Variants in EIF2B3 observed in about 807,000 individuals in gnomAD.
EIF2B3 encodes the protein translation initiation factor eIF2B subunit gamma.
EIF2B3 carries 20 observed loss-of-function variants against 54.1 expected under a neutral mutation model. The ratio of observed to expected loss-of-function variants is 0.37; its 90% CI spans 0.26 to 0.54. The LOEUF (loss-of-function observed/expected upper bound fraction) is 0.54, where lower values mean the gene tolerates loss of function less well. Among genes scored for constraint, EIF2B3 ranks in the 20% least tolerant of loss-of-function variants. EIF2B3 has a pLI of 0.86. For synonymous variants in EIF2B3, 153 were observed against 188.1 expected, an observed-to-expected ratio of 0.81 and a Z score of 1.52; for missense variants, 448 against 547.8, an observed-to-expected ratio of 0.82 and a Z score of 1.82.
chr1:44,938,049 C>T (rs570459417), intron 4 of EIF2B3, among the ~76,000 whole-genome samples: 79 of 152,048 alleles, frequency 5.2e-4, no homozygotes, highest in Non-Finnish European at 6.6e-4. Context: ...GCTCCAGAAA[C>T]ATCCAGAGAT....
intron 3 of EIF2B3, among the ~76,000 whole-genome samples, chr1:44,956,135 CTAGA>C (rs1166913570): frequency 6.6e-6 from 1 of 152,094 alleles, no homozygotes; most frequent in Non-Finnish European, 1.5e-5. Flanking sequence ...TGATGATAGG[CTAGA>C]TAAAGAAAAT....
At chr1:44,969,568 T>C (rs1644380102) in intron 3 of EIF2B3, among the ~76,000 whole-genome samples, 1 of 152,158 alleles carries the variant, frequency 6.6e-6, no homozygotes, top group African/African-American at 2.4e-5. Context: ...ATTTTTATAA[T>C]ATATTCTAAA....
chr1:44,918,072 C>A (rs1051834476), intron 5 of EIF2B3, among the ~76,000 whole-genome samples: 12 of 88,612 alleles, frequency 1.4e-4, no homozygotes, highest in Admixed American at 2.8e-4. Context: ...TGTGCCCAGC[C>A]TTTTTTTTTT....
At position 44,897,421 on chromosome 1, in the gene EIF2B3, G is replaced by T. The variant is rs749213552; in HGVS notation, c.590C>A (p.Thr197Lys). The T allele has an allele frequency of 4.3e-6, 7 of 1,612,656 alleles. No individual in the cohort carries two copies. The highest frequency in any genetic ancestry group is 1.7e-4 in the Middle Eastern group (1 of 6,056). The part of the protein sequence containing the change: ...LQKHPRIRFH[T>K]GLVDAHLYCL... ...GTAGAGGTGGGCATCCACAAGACCCGTGTGGAAACGTATTCTAGGATGCCT... is the reference window on the plus strand; with the variant it reads ...GTAGAGGTGGGCATCCACAAGACCCTTGTGGAAACGTATTCTAGGATGCCT... Residue 197 changes from threonine to lysine, a missense_variant, in exon 6 of 12, where the codon ACG becomes AAG. Thr to Lys is a moderately conservative substitution (Grantham distance 78). This residue lies in a region of EIF2B3 where 350 missense variants were observed against 414.2 expected (regional missense o/e 0.85). Coordinates refer to ENST00000360403, the MANE Select transcript of EIF2B3 (RefSeq NM_020365.5).
intron 3 of EIF2B3, among the ~76,000 whole-genome samples, chr1:44,962,695 G>A (rs1354038366): frequency 1.3e-5 from 2 of 152,174 alleles, no homozygotes; most frequent in Admixed American, 1.3e-4. Context: ...GATTACAGGT[G>A]TGAGCCACTG....
chr1:44,868,496 A>AT (rs57428854), intron 10 of EIF2B3, among the ~76,000 whole-genome samples: 21,742 of 135,394 alleles, frequency 0.16, 1,757 homozygotes, highest in Non-Finnish European at 0.18. Context: ...CTAACACTGG[A>AT]TTTTTTTTTT....
At chr1:44,906,620 G>GA (rs1223775488) in intron 5 of EIF2B3, among the ~76,000 whole-genome samples, 6 of 152,060 alleles carry the variant, frequency 3.9e-5, no homozygotes, top group Admixed American at 3.9e-4. Flanking sequence ...GGCTGGTCTT[G>GA]AACTCCTGAC....
intron 5 of EIF2B3, among the ~76,000 whole-genome samples, chr1:44,901,990 G>A (rs1000312092): frequency 3.9e-5 from 6 of 152,168 alleles, no homozygotes; most frequent in African/African-American, 1.4e-4. Context: ...ATGGAGTGAG[G>A]TAAGGTTCTA....
At chr1:44,944,905 T>G (rs564518185) in intron 3 of EIF2B3, among the ~76,000 whole-genome samples, 13 of 152,254 alleles carry the variant, frequency 8.5e-5, no homozygotes, top group Non-Finnish European at 1.6e-4. Context: ...CATGTATTTT[T>G]TTTTTTGTAA....
chr1:44,882,888 TA>T (rs533925153), intron 6 of EIF2B3, among the ~76,000 whole-genome samples: 28 of 151,448 alleles, frequency 1.8e-4, no homozygotes, highest in Admixed American at 1.8e-3. Flanking sequence ...GTGCTGGGAT[TA>T]CAGGCATGAG....
intron 8 of EIF2B3, among the ~76,000 whole-genome samples, chr1:44,877,212 A>AAAAAAAAAAC (rs1655218894): frequency 6.8e-6 from 1 of 148,054 alleles, no homozygotes; most frequent in African/African-American, 2.5e-5. Context: ...AAAAAAAAAA[A>AAAAAAAAAAC]AAAAAAAAAA....
At chr1:44,911,831 A>G (rs1035488332) in intron 5 of EIF2B3, among the ~76,000 whole-genome samples, 3 of 150,130 alleles carry the variant, frequency 2.0e-5, no homozygotes, top group Non-Finnish European at 4.4e-5. Flanking sequence ...AGCATTAGGT[A>G]TATCTCCCAA....
chr1:44,946,653 G>A (rs1385037787), intron 3 of EIF2B3, among the ~76,000 whole-genome samples: 1 of 148,096 alleles, frequency 6.8e-6, no homozygotes, highest in African/African-American at 2.5e-5. Context: ...TGTAGAGACG[G>A]GATCTCACTA....
At chr1:44,896,012 A>G (rs1655958286) in intron 6 of EIF2B3, among the ~76,000 whole-genome samples, 1 of 152,162 alleles carries the variant, frequency 6.6e-6, no homozygotes. Flanking sequence ...TCACTGAGAA[A>G]TAGCTCTTGG....
At chr1:44,852,723 G>A (rs568529557) in intron 11 of EIF2B3, among the ~76,000 whole-genome samples, 24 of 150,044 alleles carry the variant, frequency 1.6e-4, no homozygotes, top group African/African-American at 5.7e-4. Context: ...AGGTTGCAGT[G>A]AGCCGAGATC....
In EIF2B3 at chr1:44,881,067, T is replaced by C. The variant is rs1655384286; in HGVS notation, c.784+545A>G. 6.6e-6 allele frequency among the ~76,000 whole-genome samples: 1 copy of C among 152,224 alleles called. No homozygotes were observed. The highest frequency in any genetic ancestry group is 1.5e-5 in the Non-Finnish European group (1 of 68,032). On this transcript the variant is annotated intron_variant, in intron 7 of 11. Coordinates refer to ENST00000360403, the MANE Select transcript of EIF2B3 (RefSeq NM_020365.5). This position sits in a 1 kb window ranked among gnomAD's most constrained non-coding sequence, Gnocchi z 4.0. The stretch of plus-strand genomic sequence containing the variant: ...TACAGTCCTAATCATCATGCTGTAC[T>C]GTCAGTGTATTCATTTGATAAATAC...
intron 11 of EIF2B3, 45 bp downstream of exon 11, chr1:44,857,659 G>A: frequency 1.3e-6 from 2 of 1,566,364 alleles, no homozygotes; most frequent in African/African-American, 1.4e-5. Context: ...TATCAGTGCT[G>A]GTGTGAGAAG....
chr1:44,853,373 G>A (rs949531323), intron 11 of EIF2B3, among the ~76,000 whole-genome samples: 1 of 152,074 alleles, frequency 6.6e-6, no homozygotes, highest in African/African-American at 2.4e-5. Flanking sequence ...ACTTCGGGAG[G>A]CCAAGGTGGG....
At chr1:44,903,784 G>A (rs1486340597) in intron 5 of EIF2B3, among the ~76,000 whole-genome samples, 1 of 152,196 alleles carries the variant, frequency 6.6e-6, no homozygotes, top group Non-Finnish European at 1.5e-5. Flanking sequence ...AATTTAAACT[G>A]AGTGTGTTGG....
Sources: gnomAD v4.1 joint callset for allele counts (sites outside exome capture counted in the v4.1 genomes callset) on GRCh38, gnomAD v4.1.1 for gene constraint, gnomAD v4.1.1 regional missense constraint, Gnocchi (gnomAD v3.1) non-coding constraint, MANE v1.5 for transcripts, NCBI Gene and HGNC (gene_info 2026-07-23, HGNC 2026-07-21) for gene names.